HECW1: variants seen among roughly 807,000 people sequenced by gnomAD.
The protein encoded by HECW1 is HECT, C2 and WW domain containing E3 ubiquitin protein ligase 1.
In HECW1, 61 loss-of-function variants were observed where a neutral mutation model predicts 182.3. The observed-to-expected ratio is 0.33, with a 90% CI of 0.27 to 0.41. The LOEUF (loss-of-function observed/expected upper bound fraction) is 0.41. HECW1 is among the 10% of genes least tolerant of loss of function. HECW1 has a pLI of 1.00. For missense variants in HECW1, 1,739 were observed against 2,108.9 expected (o/e 0.82, Z 3.44); for synonymous variants, 859 against 832.6 (o/e 1.03, Z -0.55).
At chr7:43,144,058 A>G (rs746175769) in intron 2 of HECW1, among the ~76,000 whole-genome samples, 3 of 152,158 alleles carry the variant, frequency 2.0e-5, no homozygotes, top group Non-Finnish European at 4.4e-5. Flanking sequence ...CCAGATGCCA[A>G]ATGACATCGA....
In HECW1 at chr7:43,445,152, C is replaced by T. The variant is rs766335583; in HGVS notation, c.1980C>T (p.Ser660=). The stretch of plus-strand genomic sequence containing the variant: ...CCAGCACCGGGAGCGAGAGCGACTC[C>T]AGCCCCAGGCAAGGCGGGGACCACA... ...THPSTGSESD[S]SPRQGGDHSC... is the part of the protein sequence containing the mutation. The change falls in exon 11 of 30, where the codon TCC becomes TCT. Residue 660 remains serine (S), a synonymous_variant. Transcript: ENST00000395891. 3 of 1,610,770 alleles carry T rather than the reference C, an allele frequency of 1.9e-6. No homozygotes were observed. The highest frequency in any genetic ancestry group is 2.2e-5 in the East Asian group (1 of 44,834).
intron 2 of HECW1, among the ~76,000 whole-genome samples, chr7:43,200,151 G>C (rs1794896621): frequency 6.6e-6 from 1 of 152,102 alleles, no homozygotes; most frequent in South Asian, 2.1e-4. Flanking sequence ...AAACGGATTT[G>C]ATTGGCCCAA....
intron 3 of HECW1, among the ~76,000 whole-genome samples, chr7:43,305,083 A>T (rs1431691028): frequency 2.6e-5 from 4 of 152,238 alleles, no homozygotes; most frequent in African/African-American, 9.6e-5. Context: ...TGACTGAGCC[A>T]GGTAGACTTT....
intron 17 of HECW1, 57 bp downstream of exon 17, chr7:43,479,801 A>G (rs1284832787): frequency 2.4e-5 from 39 of 1,599,690 alleles, no homozygotes; most frequent in Non-Finnish European, 3.3e-5. Context: ...TGCCTCTTCC[A>G]TGGGAGCAGA....
intron 2 of HECW1, among the ~76,000 whole-genome samples, chr7:43,219,176 G>A (rs1014937334): frequency 2.0e-5 from 3 of 152,108 alleles, no homozygotes; most frequent in Non-Finnish European, 4.4e-5. Context: ...CATGTTGCCA[G>A]GCACATGTAG....
Position 43,254,205 on chromosome 7 carries a change from T to G in HECW1, c.27+10273T>G, listed in dbSNP as rs190494632. 3.1e-3 allele frequency among the ~76,000 whole-genome samples: 465 copies of G among 152,332 alleles called. 14 individuals carry two copies. The highest frequency in any genetic ancestry group is 0.028 in the Admixed American group (433 of 15,300). On this transcript the variant is annotated intron_variant, in intron 3 of 29. Coordinates refer to ENST00000395891, the MANE Select transcript of HECW1 (RefSeq NM_015052.5). ...TCCTGAGTCAGGCTCCAATTTAGTC[T>G]TATCGTCAGGTCTTTTCAAATCCCA...
At chr7:43,547,524 C>G (rs2164041) in intron 26 of HECW1, among the ~76,000 whole-genome samples, 12 of 150,712 alleles carry the variant, frequency 8.0e-5, no homozygotes, top group Non-Finnish European at 1.8e-4. Flanking sequence ...TCCAGCCTGG[C>G]GACAGAGTGA....
intron 11 of HECW1, among the ~76,000 whole-genome samples, chr7:43,447,043 A>G (rs1158444457): frequency 6.6e-6 from 1 of 152,236 alleles, no homozygotes; most frequent in Non-Finnish European, 1.5e-5. Context: ...AGGCACACAT[A>G]GGAGCTGGCA....
In HECW1 at chr7:43,231,843, T is replaced by C. The variant is rs369457106; in HGVS notation, c.-31-12032T>C. The stretch of plus-strand genomic sequence containing the variant: ...CATCCTGGCTAACACAGTGAAACCC[T>C]GTCTCTACTAAAAAATACAAAAAAA... On this transcript the variant is annotated intron_variant, in intron 2 of 29. Transcript: ENST00000395891. 3.6e-3 allele frequency among the ~76,000 whole-genome samples: 545 copies of C among 150,952 alleles called. 5 individuals carry two copies. Among genetic ancestry groups the C allele is most frequent in the East Asian group, 0.015 (75 of 5,114 alleles).
chr7:43,139,651 C>CT (rs1159370603), intron 2 of HECW1, among the ~76,000 whole-genome samples: 1 of 152,070 alleles, frequency 6.6e-6, no homozygotes, highest in Non-Finnish European at 1.5e-5. Flanking sequence ...AATTTTTCTG[C>CT]TTTTTAGTTT....
At chr7:43,513,321 G>C (rs2079971236) in intron 24 of HECW1, among the ~76,000 whole-genome samples, 1 of 152,190 alleles carries the variant, frequency 6.6e-6, no homozygotes, top group Non-Finnish European at 1.5e-5. Context: ...AATGCTGCTT[G>C]TTACTGAAGG....
At chr7:43,449,874 C>CT (rs1051658217) in intron 11 of HECW1, among the ~76,000 whole-genome samples, 2 of 152,218 alleles carry the variant, frequency 1.3e-5, no homozygotes, top group African/African-American at 4.8e-5. Flanking sequence ...ACCCAAGCAG[C>CT]TGGTGCTGCA....
intron 7 of HECW1, among the ~76,000 whole-genome samples, chr7:43,402,493 C>G (rs1456494015): frequency 3.3e-5 from 5 of 152,160 alleles, no homozygotes; most frequent in African/African-American, 4.8e-5. Context: ...CCCAAGATTT[C>G]CATGTCCACC....
intron 2 of HECW1, chr7:43,163,164 C>G (rs1047147092): frequency 1.3e-5 from 2 of 152,302 alleles, no homozygotes; most frequent in African/African-American, 4.8e-5. Flanking sequence ...GTGCAAACCA[C>G]TCCCAATAAA....
chr7:43,183,521 T>C (rs1583858603), intron 2 of HECW1, among the ~76,000 whole-genome samples: 1 of 152,192 alleles, frequency 6.6e-6, no homozygotes, highest in East Asian at 1.9e-4. Flanking sequence ...AAAAGAAGAA[T>C]ATATATACAC....
chr7:43,324,049 A>AC (rs200743129), intron 5 of HECW1, among the ~76,000 whole-genome samples: 181 of 151,958 alleles, frequency 1.2e-3, no homozygotes, highest in African/African-American at 4.2e-3. Flanking sequence ...AAGAAAAAAA[A>AC]AGGCTTGCAG....
At chr7:43,226,205 G>A (rs544985156) in intron 2 of HECW1, among the ~76,000 whole-genome samples, 2 of 152,214 alleles carry the variant, frequency 1.3e-5, no homozygotes, top group South Asian at 2.1e-4. Context: ...ATTTAGGTTC[G>A]GAACATCGGG....
chr7:43,374,952 A>G (rs2074266826), intron 6 of HECW1, among the ~76,000 whole-genome samples: 1 of 152,104 alleles, frequency 6.6e-6, no homozygotes, highest in Admixed American at 6.6e-5. Context: ...AAATTTGTAG[A>G]CACATAAATA....
chr7:43,555,094 G>C (rs910446000), intron 29 of HECW1, among the ~76,000 whole-genome samples: 2 of 152,178 alleles, frequency 1.3e-5, no homozygotes, highest in African/African-American at 2.4e-5. Flanking sequence ...ACACAGGAGA[G>C]GGCAGAGGCA....
Sources: allele counts gnomAD v4.1 joint callset (sites outside exome capture counted in the v4.1 genomes callset), GRCh38; gene constraint gnomAD v4.1.1; transcripts MANE v1.5; gene names NCBI Gene and HGNC (gene_info 2026-07-23, HGNC 2026-07-21).